The following ATXN7L1 variants were observed in gnomAD, a reference collection of about 807,000 sequenced individuals.
ATXN7L1 encodes ataxin 7 like 1, also known as ataxin-7-like protein 1.
Under a neutral mutation model 70.8 loss-of-function variants are expected in ATXN7L1, and 15 were observed. That is an observed-to-expected ratio of 0.21 (90% CI 0.14 to 0.33). The LOEUF (loss-of-function observed/expected upper bound fraction) is 0.33. Ranked by LOEUF, ATXN7L1 falls within the 10% of genes least tolerant of loss-of-function variation. The probability of loss-of-function intolerance (pLI) is 1.00; values close to 1 mark genes in which losing one functional copy is unlikely to be tolerated. For synonymous variants in ATXN7L1, 440 were observed against 445.1 expected (o/e 0.99, Z 0.14); for missense variants, 975 against 1,097.1 (o/e 0.89, Z 1.57).
chr7:105,797,494 C>G (rs2116506909), intron 2 of ATXN7L1, among the ~76,000 whole-genome samples: 1 of 152,324 alleles, frequency 6.6e-6, no homozygotes, highest in African/African-American at 2.4e-5. Flanking sequence ...AGGTCTCGCC[C>G]AGAGTTGAGA....
chr7:105,863,078 G>A (rs1816875610), intron 2 of ATXN7L1, among the ~76,000 whole-genome samples: 2 of 152,192 alleles, frequency 1.3e-5, no homozygotes, highest in Non-Finnish European at 2.9e-5. Context: ...CACCCTTCAT[G>A]AAATTACTAA....
At chr7:105,700,241 C>T (rs976058318) in intron 3 of ATXN7L1, among the ~76,000 whole-genome samples, 1 of 152,114 alleles carries the variant, frequency 6.6e-6, no homozygotes, top group African/African-American at 2.4e-5. Context: ...CGCGGTGGCT[C>T]ATGTCTGTAA....
rs1188273959 is a variant in ATXN7L1 at position 105,850,168 on chromosome 7, TAGAA to T, written c.250+25640_250+25643del. 7.8e-4 allele frequency among the ~76,000 whole-genome samples: 119 copies of T among 152,362 alleles called. 1 individual carries two copies. The highest frequency in any genetic ancestry group is 6.2e-4 in the South Asian group (3 of 4,828). On this transcript the variant is annotated intron_variant, in intron 2 of 11. Coordinates refer to ENST00000419735, the MANE Select transcript of ATXN7L1 (RefSeq NM_020725.2). ...ATAATGATAAAAAAATACTTTCCTG[TAGAA>T]TTAGAGTTGAACTGACATTCTGAAA...
chr7:105,834,843 CT>C (rs948879537), intron 2 of ATXN7L1, among the ~76,000 whole-genome samples: 3 of 152,038 alleles, frequency 2.0e-5, no homozygotes, highest in Non-Finnish European at 4.4e-5. Context: ...TTGAGGCTGC[CT>C]TTTTGTGATG....
rs896162201 is a variant in ATXN7L1 at position 105,721,263 on chromosome 7, A to T, written c.356-55975T>A. ...GGCACAGAAGTCACCCAAATCTCTG[A>T]CTCTGTTCATGGCCATCATGGTTTC... On this transcript the variant is annotated intron_variant, in intron 3 of 11. Coordinates refer to ENST00000419735, the MANE Select transcript of ATXN7L1 (RefSeq NM_020725.2). 2.0e-5 allele frequency among the ~76,000 whole-genome samples: 3 copies of T among 152,058 alleles called. No homozygotes were observed. In the East Asian group the frequency reaches 5.8e-4, roughly 29 times the overall value.
intron 3 of ATXN7L1, among the ~76,000 whole-genome samples, chr7:105,675,724 C>CT (rs1247075925): frequency 6.6e-6 from 1 of 151,978 alleles, no homozygotes; most frequent in East Asian, 1.9e-4. Context: ...TTTTTTAAAA[C>CT]TGTTTAAGTT....
intron 3 of ATXN7L1, among the ~76,000 whole-genome samples, chr7:105,763,050 G>C (rs577729122): frequency 6.6e-6 from 1 of 152,134 alleles, no homozygotes; most frequent in Non-Finnish European, 1.5e-5. Context: ...ACTCTGAGCC[G>C]AACCACACAG....
chr7:105,859,090 GTATCAGATA>G (rs1282204122), intron 2 of ATXN7L1, among the ~76,000 whole-genome samples: 1 of 151,996 alleles, frequency 6.6e-6, no homozygotes, highest in Admixed American at 6.6e-5. Context: ...CGAGAACTGG[GTATCAGATA>G]TGAGTATGGA....
chr7:105,731,492 T>C (rs1035307543), intron 3 of ATXN7L1, among the ~76,000 whole-genome samples: 1 of 148,054 alleles, frequency 6.8e-6, no homozygotes, highest in Non-Finnish European at 1.5e-5. Flanking sequence ...TGGAGTGCAA[T>C]GGTGCGATCT....
In ATXN7L1 at chr7:105,733,568, T is replaced by TTCA. The variant is rs1563048742; in HGVS notation, c.355+55035_355+55036insTGA. ...CATCCATCCATCCACCCATCCATCC[T>TTCA]TCCATCCATCCACCCATCCATCCAT... On this transcript the variant is annotated intron_variant, in intron 3 of 11. Transcript: ENST00000419735. 8.9e-4 allele frequency among the ~76,000 whole-genome samples: 23 copies of TTCA among 25,948 alleles called. 3 individuals carry two copies. The highest frequency in any genetic ancestry group is 1.4e-3 in the Admixed American group (4 of 2,778). 17.0% of individuals were successfully genotyped at this position (25,948 alleles called of 152,430 possible).
chr7:105,612,696 C>T (rs1030372844), intron 10 of ATXN7L1, among the ~76,000 whole-genome samples: 1 of 152,204 alleles, frequency 6.6e-6, no homozygotes, highest in Non-Finnish European at 1.5e-5. Flanking sequence ...GCTCCTCTCA[C>T]CTTGGCCTCG....
chr7:105,876,016 T>C, intron 1 of ATXN7L1, 136 bp from the exon 2 acceptor site: 1 of 863,914 alleles, frequency 1.2e-6, no homozygotes, highest in Non-Finnish European at 1.8e-6. Flanking sequence ...TTTCAAAAAT[T>C]GACAATGCAA....
At chr7:105,832,808 G>C (rs1332508491) in intron 2 of ATXN7L1, among the ~76,000 whole-genome samples, 2 of 152,154 alleles carry the variant, frequency 1.3e-5, no homozygotes, top group Non-Finnish European at 2.9e-5. Context: ...CAGTTGCTTA[G>C]ACAAAGAATC....
At chr7:105,709,169 C>T (rs1793561132) in intron 3 of ATXN7L1, among the ~76,000 whole-genome samples, 1 of 152,050 alleles carries the variant, frequency 6.6e-6, no homozygotes, top group Non-Finnish European at 1.5e-5. Flanking sequence ...CTTGTCTCTA[C>T]TAAAAATACA....
At chr7:105,663,928 C>T (rs1168206088) in intron 4 of ATXN7L1, among the ~76,000 whole-genome samples, 1 of 152,030 alleles carries the variant, frequency 6.6e-6, no homozygotes, top group Non-Finnish European at 1.5e-5. Flanking sequence ...TAACACTATG[C>T]CCAGCTAATT....
intron 3 of ATXN7L1, among the ~76,000 whole-genome samples, chr7:105,785,010 T>C (rs969011274): frequency 1.3e-5 from 2 of 152,186 alleles, no homozygotes; most frequent in South Asian, 2.1e-4. Context: ...TATATAAGAT[T>C]CCATTTGAAA....
chr7:105,809,609 G>A (rs1008608150), intron 2 of ATXN7L1, among the ~76,000 whole-genome samples: 1 of 152,164 alleles, frequency 6.6e-6, no homozygotes, highest in Non-Finnish European at 1.5e-5. Context: ...GGTACTCACT[G>A]TTTCCATGGT....
intron 6 of ATXN7L1, 133 bp from the exon 7 acceptor site, chr7:105,638,742 C>T: frequency 8.5e-7 from 1 of 1,179,324 alleles, no homozygotes; most frequent in Non-Finnish European, 1.2e-6. Flanking sequence ...AAGGCAACAG[C>T]TCCTGTTCTG....
chr7:105,729,952 T>C (rs1796347005), intron 3 of ATXN7L1, among the ~76,000 whole-genome samples: 1 of 152,056 alleles, frequency 6.6e-6, no homozygotes, highest in South Asian at 2.1e-4. Context: ...TTAGCCAGGA[T>C]GGTCTCAATC....
Sources: allele counts gnomAD v4.1 joint callset (sites outside exome capture counted in the v4.1 genomes callset), GRCh38; gene constraint gnomAD v4.1.1; transcripts MANE v1.5; gene names NCBI Gene and HGNC (gene_info 2026-07-23, HGNC 2026-07-21).